CES4A: variants seen among roughly 807,000 people sequenced by gnomAD.
CES4A encodes the protein carboxylesterase 4A, also known as carboxylesterase 6.
In CES4A, 48 loss-of-function variants were observed where a neutral mutation model predicts 65.4. That is an observed-to-expected ratio of 0.73 (90% CI 0.58 to 0.93). The LOEUF (loss-of-function observed/expected upper bound fraction) is 0.93. Ranked by LOEUF, CES4A falls within the 40% of genes least tolerant of loss-of-function variation. CES4A has a pLI of 0.00. For synonymous variants in CES4A, 247 were observed against 281.8 expected (o/e 0.88, Z 1.24); for missense variants, 685 against 728.5 (o/e 0.94, Z 0.69).
chr16:67,008,696 G>A (rs1370386304), intron 13 of CES4A: 2 of 341,610 alleles, frequency 5.9e-6, no homozygotes, highest in Non-Finnish European at 1.1e-5. Context: ...CACCAGGCCT[G>A]GCCACACACA....
Position 67,001,561 on chromosome 16 carries a change from A to G in CES4A, c.690+100A>G. The G allele has an allele frequency of 7.3e-7, 1 of 1,372,192 alleles. No individual in the cohort carries two copies. The highest frequency in any genetic ancestry group is 9.8e-7 in the Non-Finnish European group (1 of 1,016,402). The allele number at this position is 1,372,192 out of a possible 1,614,324, so 85.0% of individuals were successfully genotyped here. ...AGGCCATGTGCAGATTTGCGTGTAC[A>G]GGAACGTGCCTGCCACAGAAATGCT... On this transcript the variant is annotated intron_variant, in intron 5 of 13. Coordinates refer to ENST00000648724, the Ensembl canonical transcript of CES4A. This position sits in a 1 kb window ranked among gnomAD's most constrained non-coding sequence, Gnocchi z 4.1.
At chr16:67,004,908 G>T in intron 10 of CES4A, 35 bp downstream of exon 10, 1 of 1,483,796 alleles carries the variant, frequency 6.7e-7, no homozygotes, top group Non-Finnish European at 9.1e-7. Context: ...GCTCAGTTCG[G>T]ACAGGGTTGA....
At chr16:67,004,974 G>A (rs1343001802) in intron 10 of CES4A, 101 bp downstream of exon 10, 4 of 972,002 alleles carry the variant, frequency 4.1e-6, no homozygotes, top group Admixed American at 2.1e-5. Flanking sequence ...TCCCAGCCAG[G>A]GTAAGGATCT....
At chr16:66,991,181 C>T (rs1483954775) in intron 1 of CES4A, among the ~76,000 whole-genome samples, 3 of 151,986 alleles carry the variant, frequency 2.0e-5, no homozygotes, top group Admixed American at 1.3e-4. Context: ...CGCACCACCA[C>T]GCCCAGCTAA....
intron 9 of CES4A, 85 bp downstream of exon 9, chr16:67,004,309 G>T: frequency 1.3e-6 from 2 of 1,494,426 alleles, no homozygotes; most frequent in African/African-American, 2.7e-5. Context: ...CTTGGACGGT[G>T]CTGGGCACCA....
chr16:66,989,427 G>A (rs1597037661), intron 1 of CES4A, among the ~76,000 whole-genome samples: 1 of 151,872 alleles, frequency 6.6e-6, no homozygotes. Flanking sequence ...AGGCATGGTA[G>A]CTCATGCCTG....
Position 67,001,323 on chromosome 16 carries a change from C to A in CES4A, c.552C>A (p.His184Gln). 6.2e-7 allele frequency: 1 copy of A among 1,608,952 alleles called. No homozygotes were observed. The highest frequency in any genetic ancestry group is 8.5e-7 in the Non-Finnish European group (1 of 1,177,642). ...ACACGCCCAGCACGGACGACAGCCA[C>A]GCGCGCGGGAACTGGGGGCTGCTGG... The change falls in exon 5 of 14, where the codon CAC (histidine) becomes CAA (glutamine). Residue 184 changes from histidine to glutamine, a missense_variant. Physicochemically the swap from His to Gln is conservative, Grantham distance 24. Transcript: ENST00000648724. This position sits in a 1 kb window ranked among gnomAD's most constrained non-coding sequence, Gnocchi z 4.1.
At chr16:66,990,706 GA>G (rs903676145) in intron 1 of CES4A, among the ~76,000 whole-genome samples, 2 of 148,746 alleles carry the variant, frequency 1.3e-5, no homozygotes, top group African/African-American at 4.9e-5. Context: ...CTCAAAAAAA[GA>G]AAAAAATAAG....
chr16:66,996,999 T>C (rs1388889193), intron 2 of CES4A, among the ~76,000 whole-genome samples: 1 of 151,398 alleles, frequency 6.6e-6, no homozygotes, highest in African/African-American at 2.4e-5. Flanking sequence ...GGATCATGGT[T>C]GTAGTAAGCC....
chr16:67,000,449 C>A lies in CES4A; in HGVS notation c.261-189C>A. 1 of 1,410,270 alleles carries A rather than the reference C, an allele frequency of 7.1e-7. No homozygotes were observed. Among genetic ancestry groups the A allele is most frequent in the Non-Finnish European group, 9.2e-7 (1 of 1,085,914 alleles). 87.4% of individuals were successfully genotyped at this position (1,410,270 alleles called of 1,614,324 possible). A position where few individuals can be genotyped will look rare whatever the true frequency, so the allele number is the denominator to read the frequency against. ...AGGGAGGGGATGGTTCCTGAGAGGC[C>A]AACCTGCCTCCCAGTCCTGGGCCCC... On this transcript the variant is annotated intron_variant, in intron 2 of 13. Transcript: ENST00000648724. The surrounding 1 kb of genome is among the most constrained non-coding windows in gnomAD (Gnocchi z 4.2).
chr16:66,999,102 C>A (rs887026219), intron 2 of CES4A, among the ~76,000 whole-genome samples: 5 of 152,204 alleles, frequency 3.3e-5, no homozygotes, highest in African/African-American at 1.2e-4. Context: ...GTTTACTAGA[C>A]AGCATTCTAA....
At chr16:66,988,861 A>G (rs1339348270) in intron 1 of CES4A, 31 bp downstream of exon 1, 1 of 1,546,992 alleles carries the variant, frequency 6.5e-7, no homozygotes, top group Non-Finnish European at 8.7e-7. Flanking sequence ...CGAGAGTGTC[A>G]GGCAAGACGG....
exon 11 of CES4A, chr16:67,005,317 A>G (rs1567588380): frequency 3.7e-6 from 6 of 1,614,126 alleles, no homozygotes; most frequent in Middle Eastern, 1.6e-4. Context: ...GGAAGATGCT[A>G]CGAAACCGTA....
chr16:66,995,675 C>G, exon 2 of CES4A: 1 of 1,614,212 alleles, frequency 6.2e-7, no homozygotes, highest in South Asian at 1.1e-5. Flanking sequence ...ATATGGAACC[C>G]TGCAAGGAAA....
chr16:67,003,676 G>T lies in CES4A; in HGVS notation c.939+123G>T. On this transcript the variant is annotated intron_variant, in intron 8 of 13. Coordinates refer to ENST00000648724, the Ensembl canonical transcript of CES4A. The surrounding 1 kb of genome is among the most constrained non-coding windows in gnomAD (Gnocchi z 4.2). ...TCCCTAGTGGAGCTGATGTTCCAGT[G>T]GGGAAGGAGAATAAACCCTATAAAT... 4 of 806,248 alleles carry T rather than the reference G, an allele frequency of 5.0e-6. No homozygotes were observed. The South Asian group carries it at 5.6e-5, about 11-fold the overall frequency. 49.9% of individuals were successfully genotyped at this position (806,248 alleles called of 1,614,324 possible). A position where few individuals can be genotyped will look rare whatever the true frequency, so the allele number is the denominator to read the frequency against.
At chr16:67,009,467 T>C in exon 14 of CES4A, 1 of 224,346 alleles carries the variant, frequency 4.5e-6, no homozygotes, top group South Asian at 1.1e-4. Flanking sequence ...CCTCCCACCC[T>C]TCAATGTCTC....
chr16:67,009,216 C>T, exon 14 of CES4A: 3 of 1,422,588 alleles, frequency 2.1e-6, no homozygotes, highest in Non-Finnish European at 2.9e-6. Flanking sequence ...TAGCCATGGA[C>T]ATACCTGGGG....
At chr16:66,996,165 T>C (rs571854271) in intron 2 of CES4A, 1 of 429,888 alleles carries the variant, frequency 2.3e-6, no homozygotes, top group African/African-American at 2.0e-5. Context: ...AGCCTCTGAG[T>C]ATCTGGGGCT....
In CES4A at chr16:67,001,278, G is replaced by A; in HGVS notation, c.537-30G>A. 1.3e-6 allele frequency: 2 copies of A among 1,564,010 alleles called. No individual in the cohort carries two copies. Among genetic ancestry groups the A allele is most frequent in the Non-Finnish European group, 1.7e-6 (2 of 1,156,100 alleles). On this transcript the variant is annotated intron_variant, in intron 4 of 13. Coordinates refer to ENST00000648724, the Ensembl canonical transcript of CES4A. The surrounding 1 kb of genome is among the most constrained non-coding windows in gnomAD (Gnocchi z 4.1). ...AACGCGCCCCGACTGTCGAGGCCCG[G>A]GACCCTGACAGTGAACCCCACACGC... is the stretch of plus-strand genomic sequence containing the variant.
Sources: gnomAD v4.1 joint callset for allele counts (sites outside exome capture counted in the v4.1 genomes callset) on GRCh38, gnomAD v4.1.1 for gene constraint, Gnocchi (gnomAD v3.1) non-coding constraint, MANE v1.5 for transcripts, NCBI Gene and HGNC (gene_info 2026-07-23, HGNC 2026-07-21) for gene names.